GSTO2: variants seen among roughly 807,000 people sequenced by gnomAD.
GSTO2 encodes glutathione S-transferase omega-2.
In GSTO2, 23 loss-of-function variants were observed where a neutral mutation model predicts 28.4. That is an observed-to-expected ratio of 0.81 (90% CI 0.58 to 1.15). The LOEUF (loss-of-function observed/expected upper bound fraction) is 1.15, where lower values mean the gene tolerates loss of function less well. GSTO2 is among the 50% of genes most tolerant of loss of function. The pLI is 0.00. For synonymous variants in GSTO2, 109 were observed against 111.0 expected (o/e 0.98, Z 0.11); for missense variants, 298 against 297.8 (o/e 1.00, Z 0.00).
chr10:104,278,467 T>C (rs2011782596), intron 4 of GSTO2, among the ~76,000 whole-genome samples: 1 of 152,228 alleles, frequency 6.6e-6, no homozygotes, highest in Admixed American at 6.5e-5. Context: ...AGATTATGCA[T>C]AGAAGGTGAT....
At chr10:104,289,111 GT>G (rs1352270042) in intron 5 of GSTO2, among the ~76,000 whole-genome samples, 1 of 151,890 alleles carries the variant, frequency 6.6e-6, no homozygotes. Context: ...TTTGTTTTTT[GT>G]TTTTGAGACA....
chr10:104,295,611 C>T (rs1408396467), intron 5 of GSTO2: 1 of 152,236 alleles, frequency 6.6e-6, no homozygotes, highest in Admixed American at 6.5e-5. Flanking sequence ...AACATGACCA[C>T]CATTTTGCAG....
In GSTO2 at chr10:104,274,888, C is replaced by T; in HGVS notation, c.-28C>T. 1.9e-6 allele frequency: 3 copies of T among 1,603,290 alleles called. No individual in the cohort carries two copies. Among genetic ancestry groups the T allele is most frequent in the Non-Finnish European group, 2.6e-6 (3 of 1,175,532 alleles). ...GCCACAGGGCGGCGACCGTGAGCTC[C>T]GGGAGCTGCGCAAACCACCTGGAGA... On this transcript the variant is annotated 5_prime_UTR_variant, in exon 2 of 7. Coordinates refer to ENST00000338595, the MANE Select transcript of GSTO2 (RefSeq NM_183239.2).
chr10:104,287,988 T>C (rs1318555805), intron 5 of GSTO2, among the ~76,000 whole-genome samples: 1 of 150,308 alleles, frequency 6.7e-6, no homozygotes, highest in Admixed American at 6.7e-5. Flanking sequence ...CCCAGGTTCA[T>C]GCCATTCTCC....
chr10:104,274,255 A>G (rs1323430158), intron 1 of GSTO2, among the ~76,000 whole-genome samples: 1 of 152,124 alleles, frequency 6.6e-6, no homozygotes, highest in Non-Finnish European at 1.5e-5. Flanking sequence ...AAATCTCACA[A>G]GTAGGGCCAG....
rs896178810 is a variant in GSTO2 at position 104,301,841 on chromosome 10, A to T, written c.*2557A>T. The T allele has an allele frequency of 1.3e-5, 2 of 152,136 alleles. No homozygotes were observed. 9.4% of individuals were successfully genotyped at this position (152,136 alleles called of 1,614,324 possible). On this transcript the variant is annotated 3_prime_UTR_variant, in exon 7 of 7. Transcript: ENST00000338595. ...TGATCCTCCCATCTCGGCATCCCAA[A>T]GTGCTGGGATTATAGGTCTGAGTCA...
chr10:104,287,945 T>C (rs962034467), intron 5 of GSTO2, among the ~76,000 whole-genome samples: 3 of 148,714 alleles, frequency 2.0e-5, no homozygotes, highest in Non-Finnish European at 4.4e-5. Flanking sequence ...TGGAGTGTAG[T>C]GGTGCTATCT....
intron 5 of GSTO2, among the ~76,000 whole-genome samples, chr10:104,294,107 ACGTGATAT>A (rs2012915667): frequency 1.3e-5 from 2 of 152,176 alleles, no homozygotes; most frequent in Admixed American, 6.5e-5. Flanking sequence ...AGGACCCAGG[ACGTGATAT>A]CTTGATACTG....
chr10:104,275,083 G>A, intron 2 of GSTO2, 134 bp downstream of exon 2: 4 of 1,507,754 alleles, frequency 2.7e-6, no homozygotes, highest in Admixed American at 4.7e-5. Context: ...CTGAAGAAAA[G>A]CCACATGCAG....
chr10:104,286,272 C>T (rs2012416483), intron 5 of GSTO2, among the ~76,000 whole-genome samples: 1 of 152,204 alleles, frequency 6.6e-6, no homozygotes, highest in Admixed American at 6.5e-5. Flanking sequence ...TTCTCAATCC[C>T]TGTGGCTGTA....
intron 5 of GSTO2, 121 bp downstream of exon 5, chr10:104,279,592 C>T (rs1564845417): frequency 1.5e-6 from 1 of 651,018 alleles, no homozygotes; most frequent in Admixed American, 2.6e-5. Flanking sequence ...ATAAGTCAGA[C>T]TTCTGATCAT....
At chr10:104,283,255 C>T (rs2012195444) in intron 5 of GSTO2, among the ~76,000 whole-genome samples, 1 of 152,200 alleles carries the variant, frequency 6.6e-6, no homozygotes, top group South Asian at 2.1e-4. Flanking sequence ...TTCACTGATG[C>T]TATTTAAGGA....
At chr10:104,288,049 G>A (rs2012552598) in intron 5 of GSTO2, among the ~76,000 whole-genome samples, 3 of 151,834 alleles carry the variant, frequency 2.0e-5, no homozygotes, top group South Asian at 2.1e-4. Context: ...CACCACGCCC[G>A]GCTAATTTCT....
At position 104,277,836 on chromosome 10, in the gene GSTO2, G is replaced by T. The variant is rs1195317890; in HGVS notation, c.144-58G>T. The T allele has an allele frequency of 2.6e-6, 3 of 1,139,080 alleles. No homozygotes were observed. The African/African-American group carries it at 4.6e-5, about 17-fold the overall frequency. 70.6% of individuals were successfully genotyped at this position (1,139,080 alleles called of 1,614,324 possible). ...GATTGCTTCTGCTTTCAAGAAGAGT[G>T]CCTGCCTGCAGATGCCTCTCATTTT... On this transcript the variant is annotated intron_variant, in intron 3 of 6. Transcript: ENST00000338595.
At chr10:104,297,535 A>C (rs1157386046) in intron 5 of GSTO2, 43 bp from the exon 6 acceptor site, 4 of 1,245,560 alleles carry the variant, frequency 3.2e-6, no homozygotes, top group Non-Finnish European at 4.7e-6. Flanking sequence ...ACATGTCAGC[A>C]GATATATAAA....
chr10:104,271,916 C>A (rs2011425758), intron 1 of GSTO2, among the ~76,000 whole-genome samples: 1 of 152,194 alleles, frequency 6.6e-6, no homozygotes, highest in Non-Finnish European at 1.5e-5. Context: ...GGGCTAAATC[C>A]AACCAATTGT....
At chr10:104,291,362 G>A (rs1270858044) in intron 5 of GSTO2, 2 of 152,246 alleles carry the variant, frequency 1.3e-5, no homozygotes, top group Non-Finnish European at 2.9e-5. Context: ...GCCTCTTCAA[G>A]GTTTGAAGCT....
At chr10:104,275,376 C>T (rs752141268) in intron 3 of GSTO2, 42 bp downstream of exon 3, 4 of 1,581,060 alleles carry the variant, frequency 2.5e-6, no homozygotes, top group South Asian at 1.1e-5. Context: ...AACCCAGCGC[C>T]TCACAGGAGC....
chr10:104,291,804 T>A (rs1422854697), intron 5 of GSTO2, among the ~76,000 whole-genome samples: 4 of 152,234 alleles, frequency 2.6e-5, no homozygotes, highest in African/African-American at 9.6e-5. Flanking sequence ...CAGAAAATTT[T>A]AAAATAGATT....
Sources: gnomAD v4.1 joint callset for allele counts (sites outside exome capture counted in the v4.1 genomes callset) on GRCh38, gnomAD v4.1.1 for gene constraint, MANE v1.5 for transcripts, NCBI Gene and HGNC (gene_info 2026-07-23, HGNC 2026-07-21) for gene names.